The following ANKRD11 variants were observed in gnomAD, a reference collection of about 807,000 sequenced individuals.
ANKRD11 encodes the protein ankyrin repeat domain 11, also known as ankyrin repeat domain-containing protein 11.
In ANKRD11, 17 loss-of-function variants were observed where a neutral mutation model predicts 195.7. The ratio of observed to expected loss-of-function variants is 0.09; its 90% CI spans 0.06 to 0.13. ANKRD11 has a LOEUF of 0.13. Ranked by LOEUF, ANKRD11 falls within the 10% of genes least tolerant of loss-of-function variation. ANKRD11 has a pLI of 1.00. For synonymous variants in ANKRD11, 1,953 were observed against 1,528.1 expected (o/e 1.28, Z -6.49); for missense variants, 3,735 against 3,566.1 (o/e 1.05, Z -1.21).
chr16:89,359,270 G>C (rs11491151), intron 2 of ANKRD11, among the ~76,000 whole-genome samples: 4,551 of 152,194 alleles, frequency 0.03, 234 homozygotes, highest in African/African-American at 0.11. Context: ...AACTGCTTGA[G>C]TATGCTTCTT....
intron 1 of ANKRD11, among the ~76,000 whole-genome samples, chr16:89,445,442 G>A (rs952459980): frequency 2.6e-5 from 4 of 152,114 alleles, no homozygotes; most frequent in Non-Finnish European, 2.9e-5. Context: ...TCTCATGGAC[G>A]TCACTATCAT....
intron 2 of ANKRD11, chr16:89,403,787 G>A (rs558656788): frequency 1.3e-5 from 2 of 152,302 alleles, no homozygotes; most frequent in South Asian, 2.1e-4. Context: ...AAAAAAATTA[G>A]GCGGGTGTGG....
intron 2 of ANKRD11, among the ~76,000 whole-genome samples, chr16:89,348,130 C>A (rs1002306696): frequency 2.0e-5 from 3 of 152,036 alleles, no homozygotes; most frequent in Non-Finnish European, 2.9e-5. Context: ...TAGGGTTTCA[C>A]CATGTTGCCC....
At chr16:89,476,657 A>G (rs562870873) in intron 1 of ANKRD11, among the ~76,000 whole-genome samples, 1 of 152,312 alleles carries the variant, frequency 6.6e-6, no homozygotes, top group Non-Finnish European at 1.5e-5. Flanking sequence ...CTAGCCTGCC[A>G]AAAAAGACTT....
intron 3 of ANKRD11, among the ~76,000 whole-genome samples, chr16:89,307,688 C>T (rs1045933706): frequency 2.0e-5 from 3 of 152,284 alleles, no homozygotes; most frequent in Non-Finnish European, 4.4e-5. Context: ...GGCTGCAGCT[C>T]CACTGAGCTT....
At chr16:89,271,097 C>A in intron 11 of ANKRD11, 188 bp from the exon 12 acceptor site, 1 of 656,336 alleles carries the variant, frequency 1.5e-6, no homozygotes, top group Non-Finnish European at 2.8e-6. Context: ...CCCTAAACAG[C>A]CTCCCTAAAA....
chr16:89,304,087 T>G lies in ANKRD11; in HGVS notation c.226+1119A>C, dbSNP rs557994524. On this transcript the variant is annotated intron_variant, in intron 4 of 12. Coordinates refer to ENST00000301030, the MANE Select transcript of ANKRD11 (RefSeq NM_013275.6). ...TTCCCCAGCAGGGCTGTAGAGAAGC[T>G]GGATGACCAGGAGGACAAGGAGGCC... Among the ~76,000 whole-genome samples, 4 of 152,304 alleles carry G rather than the reference T, an allele frequency of 2.6e-5. No individual in the cohort carries two copies. The South Asian group carries it at 6.2e-4, about 24-fold the overall frequency.
At chr16:89,322,446 G>A (rs950552288) in intron 2 of ANKRD11, among the ~76,000 whole-genome samples, 1 of 152,216 alleles carries the variant, frequency 6.6e-6, no homozygotes, top group Non-Finnish European at 1.5e-5. Flanking sequence ...GGTGCCCAAG[G>A]CCCCTGAGAA....
intron 2 of ANKRD11, among the ~76,000 whole-genome samples, chr16:89,404,131 TC>T (rs1407051864): frequency 6.6e-6 from 1 of 152,202 alleles, no homozygotes; most frequent in Non-Finnish European, 1.5e-5. Context: ...TCAGGAGTCC[TC>T]TCAGCACCAA....
intron 1 of ANKRD11, among the ~76,000 whole-genome samples, chr16:89,449,473 C>A (rs1219247899): frequency 5.9e-5 from 9 of 151,904 alleles, no homozygotes; most frequent in Non-Finnish European, 4.4e-5. Flanking sequence ...ACCCACACAC[C>A]CCTTCCACAT....
intron 1 of ANKRD11, among the ~76,000 whole-genome samples, chr16:89,424,265 A>C (rs571356611): frequency 1.3e-4 from 20 of 152,234 alleles, no homozygotes; most frequent in African/African-American, 4.6e-4. Context: ...AACATGGAGA[A>C]ACCCCGTCTG....
chr16:89,458,127 G>C (rs1016399867), intron 1 of ANKRD11, among the ~76,000 whole-genome samples: 1 of 151,820 alleles, frequency 6.6e-6, no homozygotes, highest in African/African-American at 2.4e-5. Flanking sequence ...TTTCTGAAAC[G>C]GTGCTTTAGA....
intron 4 of ANKRD11, among the ~76,000 whole-genome samples, chr16:89,296,092 G>A (rs181193196): frequency 3.3e-4 from 46 of 140,124 alleles, no homozygotes; most frequent in East Asian, 1.3e-3. Context: ...AGGCTCAAGC[G>A]ACCCTCCCAC....
intron 2 of ANKRD11, among the ~76,000 whole-genome samples, chr16:89,352,976 A>G (rs2039291237): frequency 6.6e-6 from 1 of 152,260 alleles, no homozygotes; most frequent in Non-Finnish European, 1.5e-5. Flanking sequence ...TATGGAAAAC[A>G]TTAAACCTTG....
At chr16:89,478,480 T>C (rs1368552018) in intron 1 of ANKRD11, among the ~76,000 whole-genome samples, 1 of 152,134 alleles carries the variant, frequency 6.6e-6, no homozygotes, top group African/African-American at 2.4e-5. Flanking sequence ...GGTAACTCAT[T>C]ACTTTCCAAA....
At chr16:89,469,366 C>G (rs889841615) in intron 1 of ANKRD11, among the ~76,000 whole-genome samples, 3 of 152,012 alleles carry the variant, frequency 2.0e-5, no homozygotes, top group Non-Finnish European at 4.4e-5. Flanking sequence ...GGAATAGAGG[C>G]AAACACTGCC....
intron 1 of ANKRD11, among the ~76,000 whole-genome samples, chr16:89,433,703 C>T (rs2043095147): frequency 1.3e-5 from 2 of 150,800 alleles, no homozygotes; most frequent in South Asian, 4.3e-4. Context: ...GGGCTGGGCA[C>T]GCCACCTTCA....
At chr16:89,396,331 G>C (rs529629344) in intron 2 of ANKRD11, among the ~76,000 whole-genome samples, 2 of 152,256 alleles carry the variant, frequency 1.3e-5, no homozygotes, top group African/African-American at 4.8e-5. Context: ...GTCACCTCCA[G>C]ATGTGGACAC....
chr16:89,366,034 A>G (rs1285498784), intron 2 of ANKRD11, among the ~76,000 whole-genome samples: 1 of 150,754 alleles, frequency 6.6e-6, no homozygotes, highest in Non-Finnish European at 1.5e-5. Flanking sequence ...CACAAAAGAC[A>G]TGATCTGATC....
Sources: allele counts gnomAD v4.1 joint callset (sites outside exome capture counted in the v4.1 genomes callset), GRCh38; gene constraint gnomAD v4.1.1; transcripts MANE v1.5; gene names NCBI Gene and HGNC (gene_info 2026-07-23, HGNC 2026-07-21).